TMEM272: variants seen among roughly 807,000 people sequenced by gnomAD.
TMEM272 encodes transmembrane protein 272.
A neutral mutation model predicts 3.7 loss-of-function variants in TMEM272; 8 were observed. That is an observed-to-expected ratio of 2.17 (90% CI 1.27 to 3.91). The LOEUF (loss-of-function observed/expected upper bound fraction) is 3.91. TMEM272 is among the 30% of genes most tolerant of loss of function. The pLI, the probability that TMEM272 is intolerant of heterozygous loss-of-function variation, is 0.00. For missense variants in TMEM272, 166 were observed against 91.5 expected (o/e 1.81, Z -3.32); for synonymous variants, 63 against 39.8 (o/e 1.58, Z -2.20).
At chr13:51,876,972 T>C in the TMEM272 span, among the ~76,000 whole-genome samples, 278 of 152,320 alleles carry the variant, frequency 1.8e-3, 2 homozygotes, top group African/African-American at 6.2e-3. Context: ...CCAGAATTTC[T>C]ACACTGCATG....
chr13:51,909,179 T>G, the TMEM272 span: 330 of 1,366,996 alleles, frequency 2.4e-4, 2 homozygotes, highest in Admixed American at 5.5e-3. Flanking sequence ...ATTTTTGTCT[T>G]TTGTGAGCAT....
chr13:51,840,789 T>G (rs1214864995), intron 1 of TMEM272, among the ~76,000 whole-genome samples: 1 of 152,254 alleles, frequency 6.6e-6, no homozygotes, highest in Non-Finnish European at 1.5e-5. Context: ...TCCCCCACAA[T>G]GTTCTTGCAA....
the TMEM272 span, among the ~76,000 whole-genome samples, chr13:51,894,540 T>C: frequency 1.3e-5 from 2 of 152,148 alleles, no homozygotes; most frequent in South Asian, 4.1e-4. Context: ...GCTGGGGAGC[T>C]AAGTTCTGTA....
In TMEM272 at chr13:51,813,889, C is replaced by T. The variant is rs1030107481; in HGVS notation, c.*2862G>A. ...GGAAGAACAGATTATCCCTCTCTGC[C>T]ACATAATTTGTTCCCTTGAGGTTTC... On this transcript the variant is annotated 3_prime_UTR_variant, in exon 5 of 5. Coordinates refer to ENST00000629372, the MANE Select transcript of TMEM272 (RefSeq NM_001351003.2). The T allele has an allele frequency of 5.9e-5, 9 of 152,226 alleles. No homozygotes were observed. In the South Asian group the frequency reaches 6.2e-4, roughly 11 times the overall value. The allele number at this position is 152,226 out of a possible 1,614,324, so 9.4% of individuals were successfully genotyped here. A position where few individuals can be genotyped will look rare whatever the true frequency, so the allele number is the denominator to read the frequency against.
At chr13:51,866,704 GC>G in the TMEM272 span, among the ~76,000 whole-genome samples, 1 of 152,186 alleles carries the variant, frequency 6.6e-6, no homozygotes, top group African/African-American at 2.4e-5. Flanking sequence ...TGAGAATGGG[GC>G]CTTGGCGTGG....
the TMEM272 span, among the ~76,000 whole-genome samples, chr13:51,873,200 T>C: frequency 1.3e-5 from 2 of 152,180 alleles, no homozygotes; most frequent in East Asian, 1.9e-4. Flanking sequence ...TAGTAGTAAG[T>C]ATGGAGAAAA....
chr13:51,871,785 TACACACACACACACACAC>T, the TMEM272 span, among the ~76,000 whole-genome samples: 2,378 of 129,650 alleles, frequency 0.018, 44 homozygotes, highest in Middle Eastern at 0.043. Context: ...AATCTCCCCC[TACACACACACACACACAC>T]ACACACACAC....
the TMEM272 span, among the ~76,000 whole-genome samples, chr13:51,924,438 G>A: frequency 2.0e-5 from 3 of 152,184 alleles, no homozygotes; most frequent in Middle Eastern, 3.4e-3. Flanking sequence ...CCAGTCCCAG[G>A]AGAGGGGGTG....
chr13:51,927,534 T>G, the TMEM272 span, among the ~76,000 whole-genome samples: 2 of 152,216 alleles, frequency 1.3e-5, no homozygotes, highest in South Asian at 4.1e-4. Flanking sequence ...TTACTGAATA[T>G]AAGGCAGGTG....
At position 51,813,609 on chromosome 13, in the gene TMEM272, C is replaced by T. The variant is rs74685599; in HGVS notation, c.*3142G>A. 1,837 of 219,702 alleles carry T rather than the reference C, an allele frequency of 8.4e-3. 30 individuals are homozygous for T. The highest frequency in any genetic ancestry group is 0.038 in the African/African-American group (1,674 of 44,196). The allele number at this position is 219,702 out of a possible 1,614,324, so 13.6% of individuals were successfully genotyped here. A position where few individuals can be genotyped will look rare whatever the true frequency, so the allele number is the denominator to read the frequency against. ...GTTTCTCTGGCCACCGAATCAGAAC[C>T]AGCTGGGCCCCACAAGTCAGTCTCT... is the stretch of plus-strand genomic sequence containing the variant. On this transcript the variant is annotated 3_prime_UTR_variant, in exon 5 of 5. Coordinates refer to ENST00000629372, the MANE Select transcript of TMEM272 (RefSeq NM_001351003.2).
the TMEM272 span, among the ~76,000 whole-genome samples, chr13:51,850,468 A>C: frequency 1.3e-5 from 2 of 152,246 alleles, no homozygotes; most frequent in African/African-American, 4.8e-5. Flanking sequence ...GTACACTTAC[A>C]TCAATGAGCA....
chr13:51,931,454 G>A, the TMEM272 span, among the ~76,000 whole-genome samples: 805 of 151,862 alleles, frequency 5.3e-3, 12 homozygotes, highest in African/African-American at 0.018. Context: ...ACACATGGAC[G>A]CAGGGAGGGG....
At chr13:51,860,366 G>A in the TMEM272 span, among the ~76,000 whole-genome samples, 1 of 152,184 alleles carries the variant, frequency 6.6e-6, no homozygotes, top group African/African-American at 2.4e-5. Context: ...AAGGCCAGGT[G>A]TGATGGCTCA....
At chr13:51,908,700 T>C in the TMEM272 span, 1 of 1,479,452 alleles carries the variant, frequency 6.8e-7, no homozygotes, top group South Asian at 1.1e-5. Flanking sequence ...AGAAGGTATA[T>C]TAAAACTTCT....
the TMEM272 span, among the ~76,000 whole-genome samples, chr13:51,913,819 G>T: frequency 6.6e-6 from 1 of 152,192 alleles, no homozygotes; most frequent in African/African-American, 2.4e-5. Flanking sequence ...ATGCTCTAAA[G>T]ATGACAAATA....
the TMEM272 span, among the ~76,000 whole-genome samples, chr13:51,907,695 C>A: frequency 6.6e-6 from 1 of 152,238 alleles, no homozygotes; most frequent in African/African-American, 2.4e-5. Flanking sequence ...CTATTCGGTG[C>A]TGCATGGCAT....
In TMEM272 at chr13:51,816,647, C is replaced by T; in HGVS notation, c.*104G>A. On this transcript the variant is annotated 3_prime_UTR_variant, in exon 5 of 5. Coordinates refer to ENST00000629372, the MANE Select transcript of TMEM272 (RefSeq NM_001351003.2). ...GGTTTTATTACCTTTATGCCCTTCT[C>T]TGAACCTGTGTGTGTGTGTGTGTGT... The T allele has an allele frequency of 3.3e-6, 2 of 598,330 alleles. No individual in the cohort carries two copies. The highest frequency in any genetic ancestry group is 4.0e-5 in the South Asian group (2 of 50,006). The allele number at this position is 598,330 out of a possible 1,614,324, so 37.1% of individuals were successfully genotyped here. A position where few individuals can be genotyped will look rare whatever the true frequency, so the allele number is the denominator to read the frequency against.
the TMEM272 span, among the ~76,000 whole-genome samples, chr13:51,914,560 C>T: frequency 6.6e-6 from 1 of 152,252 alleles, no homozygotes; most frequent in African/African-American, 2.4e-5. Flanking sequence ...AGCCCACCTG[C>T]CACCATGTAA....
the TMEM272 span, among the ~76,000 whole-genome samples, chr13:51,915,952 AG>A: frequency 4.5e-4 from 69 of 152,256 alleles, no homozygotes; most frequent in Non-Finnish European, 7.1e-4. Context: ...GTGCACATGT[AG>A]TCCCAGCTAC....
Sources: allele counts gnomAD v4.1 joint callset (sites outside exome capture counted in the v4.1 genomes callset), GRCh38; gene constraint gnomAD v4.1.1; transcripts MANE v1.5; gene names NCBI Gene and HGNC (gene_info 2026-07-23, HGNC 2026-07-21).